The following AHRR variants were observed in gnomAD, a reference collection of about 807,000 sequenced individuals.
The protein encoded by AHRR is aryl hydrocarbon receptor repressor, also known as ahR repressor.
A neutral mutation model predicts 44.0 loss-of-function variants in AHRR; 28 were observed. The observed-to-expected ratio is 0.64, with a 90% CI of 0.47 to 0.87. The LOEUF (loss-of-function observed/expected upper bound fraction) is 0.87, where lower values mean the gene tolerates loss of function less well. Among genes scored for constraint, AHRR ranks in the 40% least tolerant of loss-of-function variants. AHRR has a pLI of 0.00. For synonymous variants in AHRR, 434 were observed against 407.0 expected (o/e 1.07, Z -0.80); for missense variants, 990 against 953.9 (o/e 1.04, Z -0.50).
intron 3 of AHRR, 42 bp from the exon 4 acceptor site, chr5:376,568 C>T: frequency 9.8e-6 from 2 of 204,166 alleles, no homozygotes; most frequent in Non-Finnish European, 1.7e-5. Flanking sequence ...GTGGCCAGGC[C>T]AAGGGTTGGG....
chr5:343,265 G>A (rs574559855), intron 1 of AHRR, among the ~76,000 whole-genome samples: 8 of 146,788 alleles, frequency 5.5e-5, no homozygotes, highest in Admixed American at 3.4e-4. Flanking sequence ...ACAGGAACAC[G>A]GGACCCCACA....
chr5:408,888 T>C (rs560767923), intron 4 of AHRR, among the ~76,000 whole-genome samples: 1 of 152,362 alleles, frequency 6.6e-6, no homozygotes, highest in South Asian at 2.1e-4. Flanking sequence ...TTGGTATCTC[T>C]AATGGGGTCG....
At chr5:345,348 G>A (rs1306441478) in intron 2 of AHRR, among the ~76,000 whole-genome samples, 1 of 105,296 alleles carries the variant, frequency 9.5e-6, no homozygotes, top group Non-Finnish European at 1.8e-5. Flanking sequence ...GTGTGTGTGT[G>A]TGTGTCGGAT....
chr5:373,027 A>T (rs1215058963), intron 3 of AHRR, among the ~76,000 whole-genome samples: 1 of 152,216 alleles, frequency 6.6e-6, no homozygotes, highest in Admixed American at 6.5e-5. Flanking sequence ...CTGACTTCAC[A>T]TTCTCGCTGT....
chr5:430,907 A>C (rs1162547943), intron 8 of AHRR, among the ~76,000 whole-genome samples: 6 of 152,168 alleles, frequency 3.9e-5, no homozygotes, highest in Non-Finnish European at 8.8e-5. Flanking sequence ...CAAGGGAGGA[A>C]CATAGAATTC....
At chr5:400,944 C>T (rs1376396183) in intron 4 of AHRR, among the ~76,000 whole-genome samples, 1 of 152,332 alleles carries the variant, frequency 6.6e-6, no homozygotes. Flanking sequence ...GGGCACAGAC[C>T]TCTCCCAGCA....
chr5:384,408 T>C (rs1472272008), intron 4 of AHRR, among the ~76,000 whole-genome samples: 4 of 152,218 alleles, frequency 2.6e-5, no homozygotes, highest in Admixed American at 2.6e-4. Flanking sequence ...TATATCTACA[T>C]ACATTAAACC....
intron 4 of AHRR, among the ~76,000 whole-genome samples, chr5:385,707 T>C (rs1224072684): frequency 2.0e-5 from 3 of 152,240 alleles, no homozygotes; most frequent in Non-Finnish European, 4.4e-5. Flanking sequence ...TTATGATGTA[T>C]CTGAGCTTAG....
At chr5:367,947 G>C (rs1351364555) in intron 3 of AHRR, 1 of 702,480 alleles carries the variant, frequency 1.4e-6, no homozygotes, top group East Asian at 2.7e-5. Context: ...TGTTGATGGT[G>C]AATATTGCAG....
chr5:328,292 G>T (rs1741790609), intron 1 of AHRR, among the ~76,000 whole-genome samples: 1 of 97,470 alleles, frequency 1.0e-5, no homozygotes, highest in African/African-American at 4.2e-5. Context: ...TTTTGAGACA[G>T]AGTCTCCCTC....
At chr5:402,099 CAA>C (rs1735037077) in intron 4 of AHRR, among the ~76,000 whole-genome samples, 1 of 152,104 alleles carries the variant, frequency 6.6e-6, no homozygotes, top group South Asian at 2.1e-4. Context: ...CCAGCCAACT[CAA>C]GAGGAAGAAA....
At chr5:382,385 T>C (rs1734020764) in intron 4 of AHRR, among the ~76,000 whole-genome samples, 1 of 152,222 alleles carries the variant, frequency 6.6e-6, no homozygotes. Context: ...TACTAGTTTG[T>C]GTCTTTCAAG....
chr5:421,113 C>T lies in AHRR; in HGVS notation c.442-1616C>T. 40 of 551,492 alleles carry T rather than the reference C, an allele frequency of 7.3e-5. 1 individual carries two copies. In the South Asian group the frequency reaches 8.1e-4, roughly 11 times the overall value. The allele number at this position is 551,492 out of a possible 1,614,324, so 34.2% of individuals were successfully genotyped here. ...AAACATTGGCCAGAAGGTGCAGCGGCTGGAGCGTTCGCGCCTTAACTGGAA... is the reference window on the plus strand; with the variant it reads ...AAACATTGGCCAGAAGGTGCAGCGGTTGGAGCGTTCGCGCCTTAACTGGAA... On this transcript the variant is annotated intron_variant, in intron 5 of 10. Transcript: ENST00000684583.
intron 2 of AHRR, among the ~76,000 whole-genome samples, chr5:348,585 T>C (rs899576003): frequency 6.6e-6 from 1 of 152,204 alleles, no homozygotes; most frequent in Non-Finnish European, 1.5e-5. Context: ...GGTTTGCTTG[T>C]CCTGGCATTT....
At chr5:389,674 C>T (rs957765171) in intron 4 of AHRR, among the ~76,000 whole-genome samples, 2 of 151,946 alleles carry the variant, frequency 1.3e-5, no homozygotes, top group Non-Finnish European at 1.5e-5. Flanking sequence ...GCCTCCACCA[C>T]AAGGCCTCTG....
Position 404,474 on chromosome 5 carries a change from C to A in AHRR, c.352-8870C>A. 2.1e-6 allele frequency: 1 copy of A among 485,434 alleles called. No individual in the cohort carries two copies. The highest frequency in any genetic ancestry group is 1.6e-5 in the South Asian group (1 of 61,708). 30.1% of individuals were successfully genotyped at this position (485,434 alleles called of 1,614,324 possible). The stretch of plus-strand genomic sequence containing the variant: ...GTGCTGTCGTGCACGGTGTGTTCAC[C>A]AAAACATCTAACGCAACTATTTTCA... On this transcript the variant is annotated intron_variant, in intron 4 of 10. Transcript: ENST00000684583. The surrounding 1 kb of genome is among the most constrained non-coding windows in gnomAD (Gnocchi z 4.1).
rs1405570205 is a variant in AHRR at position 428,084 on chromosome 5, CTG to C, written c.908+82_908+83del. ...AAAACACCTCCACACTCAGTGTTTT[CTG>C]TGTCTTCTTTCTTCATTTCCAGCCA... On this transcript the variant is annotated intron_variant, in intron 8 of 10. Transcript: ENST00000684583. 31 of 1,442,682 alleles carry C rather than the reference CTG, an allele frequency of 2.1e-5. No individual in the cohort carries two copies. The East Asian group carries it at 3.1e-4, about 15-fold the overall frequency. The allele number at this position is 1,442,682 out of a possible 1,614,324, so 89.4% of individuals were successfully genotyped here.
rs1187447179 is a variant in AHRR at position 398,093 on chromosome 5, CCATCCA to C, written c.352-15249_352-15244del. On this transcript the variant is annotated intron_variant, in intron 4 of 10. Coordinates refer to ENST00000684583, the MANE Select transcript of AHRR (RefSeq NM_001377236.1). ...TCCTGACCATCCACGTAGCCCCTGA[CCATCCA>C]CGTAGCTCCTGACCATCCACGTAGC... Among the ~76,000 whole-genome samples, 303 of 140,504 alleles carry C rather than the reference CCATCCA, an allele frequency of 2.2e-3. 2 individuals are homozygous for C. Among genetic ancestry groups the C allele is most frequent in the African/African-American group, 8.3e-3 (290 of 35,032 alleles). The allele number at this position is 140,504 out of a possible 152,430, so 92.2% of individuals were successfully genotyped here.
At chr5:375,040 G>A (rs1211823393) in intron 3 of AHRR, among the ~76,000 whole-genome samples, 2 of 152,130 alleles carry the variant, frequency 1.3e-5, no homozygotes, top group Non-Finnish European at 2.9e-5. Context: ...TGACTAGCAG[G>A]TGGATGCCTT....
Sources: gnomAD v4.1 joint callset for allele counts (sites outside exome capture counted in the v4.1 genomes callset) on GRCh38, gnomAD v4.1.1 for gene constraint, Gnocchi (gnomAD v3.1) non-coding constraint, MANE v1.5 for transcripts, NCBI Gene and HGNC (gene_info 2026-07-23, HGNC 2026-07-21) for gene names.